Variants in KLHDC4 observed in about 807,000 individuals in gnomAD.
KLHDC4 encodes the protein kelch domain-containing protein 4.
Under a neutral mutation model 62.4 loss-of-function variants are expected in KLHDC4, and 90 were observed. The observed-to-expected ratio is 1.44, with a 90% CI of 1.22 to 1.72. The LOEUF (loss-of-function observed/expected upper bound fraction) is 1.72, where lower values mean the gene tolerates loss of function less well. KLHDC4 is among the 40% of genes most tolerant of loss of function. KLHDC4 has a pLI of 0.00. For missense variants in KLHDC4, 1,025 were observed against 699.7 expected, an observed-to-expected ratio of 1.47 and a Z score of -5.25; for synonymous variants, 386 against 284.4, an observed-to-expected ratio of 1.36 and a Z score of -3.59.
intron 1 of KLHDC4, among the ~76,000 whole-genome samples, chr16:87,764,239 G>C (rs146516184): frequency 6.6e-5 from 10 of 152,240 alleles, no homozygotes; most frequent in African/African-American, 2.4e-4. Flanking sequence ...TGTTTTGAGG[G>C]TTCATTCAGA....
intron 2 of KLHDC4, among the ~76,000 whole-genome samples, chr16:87,758,235 T>C (rs1349306655): frequency 6.6e-6 from 1 of 152,212 alleles, no homozygotes; most frequent in Non-Finnish European, 1.5e-5. Flanking sequence ...TTCCCAGGCA[T>C]TAGCTCAAAC....
At chr16:87,757,836 G>T (rs1028367309) in intron 2 of KLHDC4, among the ~76,000 whole-genome samples, 3 of 152,138 alleles carry the variant, frequency 2.0e-5, no homozygotes, top group African/African-American at 7.2e-5. Context: ...AGGCTGCAGT[G>T]AGCCAGGATT....
At chr16:87,748,858 G>C (rs1234170553) in intron 4 of KLHDC4, 49 bp from the exon 5 acceptor site, 4 of 1,607,004 alleles carry the variant, frequency 2.5e-6, no homozygotes, top group Non-Finnish European at 3.4e-6. Flanking sequence ...CAGCAGAAGG[G>C]CCAGTGTCAT....
chr16:87,708,113 T>G, intron 11 of KLHDC4, 38 bp from the exon 12 acceptor site: 3 of 645,108 alleles, frequency 4.7e-6, no homozygotes, highest in Non-Finnish European at 8.6e-6. Flanking sequence ...GAGAAACACA[T>G]TCAGCCGAGG....
chr16:87,737,583 A>C (rs1027951329), intron 5 of KLHDC4, among the ~76,000 whole-genome samples: 1 of 136,248 alleles, frequency 7.3e-6, no homozygotes, highest in African/African-American at 2.9e-5. Context: ...TTTCTCTACA[A>C]ATCAGTCTTT....
chr16:87,705,971 C>T (rs1028252084), downstream of KLHDC4, among the ~76,000 whole-genome samples: 34 of 151,222 alleles, frequency 2.2e-4, no homozygotes, highest in Admixed American at 9.9e-4. Context: ...CAGCCCTGTG[C>T]GGGGTCGGTG....
chr16:87,740,288 ATG>A (rs1461200807), intron 5 of KLHDC4, among the ~76,000 whole-genome samples: 2 of 152,070 alleles, frequency 1.3e-5, no homozygotes, highest in Non-Finnish European at 1.5e-5. Context: ...CCCACCCGAC[ATG>A]TGTGCATCCC....
chr16:87,706,311 C>A (rs2034705724), downstream of KLHDC4, among the ~76,000 whole-genome samples: 1 of 134,790 alleles, frequency 7.4e-6, no homozygotes, highest in Non-Finnish European at 1.5e-5. Flanking sequence ...AACCCAAACA[C>A]AAGCTGCAGC....
intron 6 of KLHDC4, among the ~76,000 whole-genome samples, chr16:87,727,410 C>A (rs924764372): frequency 1.3e-5 from 2 of 152,166 alleles, no homozygotes; most frequent in Non-Finnish European, 2.9e-5. Context: ...ATGATCAGAA[C>A]GGAGGTGTGA....
chr16:87,702,052 A>G (rs371481368), exon 1 of KLHDC4: 78 of 456,078 alleles, frequency 1.7e-4, no homozygotes, highest in African/African-American at 1.4e-3. Flanking sequence ...GTCCCTGGTG[A>G]CCCCAGGCTG....
At chr16:87,711,046 G>A (rs2035704193) in intron 9 of KLHDC4, 189 bp downstream of exon 9, 1 of 607,048 alleles carries the variant, frequency 1.6e-6, no homozygotes, top group Non-Finnish European at 2.9e-6. Flanking sequence ...ACAGACTAAG[G>A]GGACCGTGAC....
chr16:87,724,663 G>A (rs553664443), intron 7 of KLHDC4, among the ~76,000 whole-genome samples: 17 of 152,182 alleles, frequency 1.1e-4, no homozygotes, highest in Non-Finnish European at 2.1e-4. Flanking sequence ...GCTAAAAACA[G>A]AAAGACTGAC....
Position 87,714,539 on chromosome 16 carries a change from T to C in KLHDC4, c.794A>G (p.His265Arg), listed in dbSNP as rs1217028680. ...VKKDVDKGTR[H>R]SDMFLLKPED... ...TGGCTTCAGCAGGAACATGTCTGAGTGCCGTGTGCCCTTGTCCACGTCTTT... is the reference window on the plus strand; with the variant it reads ...TGGCTTCAGCAGGAACATGTCTGAGCGCCGTGTGCCCTTGTCCACGTCTTT... The change falls in exon 8 of 12, where the codon CAC becomes CGC. Residue 265 changes from histidine (H) to arginine (R), a missense_variant. Transcript: ENST00000270583. 2.2e-5 allele frequency: 35 copies of C among 1,614,048 alleles called. No homozygotes were observed. Among genetic ancestry groups the C allele is most frequent in the Non-Finnish European group, 2.8e-5 (33 of 1,180,032 alleles).
At chr16:87,719,886 G>C (rs1232985996) in intron 7 of KLHDC4, among the ~76,000 whole-genome samples, 1 of 152,246 alleles carries the variant, frequency 6.6e-6, no homozygotes, top group South Asian at 2.1e-4. Flanking sequence ...CAGCAGAGCT[G>C]TGCCTGAACG....
chr16:87,714,649 G>C (rs1485982704), intron 7 of KLHDC4, 76 bp from the exon 8 acceptor site: 1 of 1,505,986 alleles, frequency 6.6e-7, no homozygotes, highest in African/African-American at 1.4e-5. Context: ...CCCTGTGGGC[G>C]CATTTTGGAT....
intron 2 of KLHDC4, among the ~76,000 whole-genome samples, chr16:87,757,189 G>A (rs1414767023): frequency 6.6e-6 from 1 of 151,764 alleles, no homozygotes; most frequent in Non-Finnish European, 1.5e-5. Flanking sequence ...CAGTAACTAG[G>A]CCAGGAGCAG....
intron 7 of KLHDC4, among the ~76,000 whole-genome samples, chr16:87,715,044 G>A (rs1327076669): frequency 2.0e-5 from 3 of 152,156 alleles, no homozygotes; most frequent in Admixed American, 6.5e-5. Context: ...CGAAAACAAC[G>A]CGCTCCATGT....
intron 7 of KLHDC4, among the ~76,000 whole-genome samples, chr16:87,716,264 C>T (rs2036958748): frequency 7.0e-6 from 1 of 142,648 alleles, no homozygotes; most frequent in Admixed American, 7.1e-5. Flanking sequence ...CTGACATAGA[C>T]TTTGGGTACA....
At chr16:87,710,951 T>G (rs977307891) in intron 9 of KLHDC4, 29 of 418,778 alleles carry the variant, frequency 6.9e-5, no homozygotes, top group African/African-American at 5.5e-4. Flanking sequence ...CAGCAAACCC[T>G]TCTCACACAG....
Sources: allele counts gnomAD v4.1 joint callset (sites outside exome capture counted in the v4.1 genomes callset), GRCh38; gene constraint gnomAD v4.1.1; transcripts MANE v1.5; gene names NCBI Gene and HGNC (gene_info 2026-07-23, HGNC 2026-07-21).